Variants in PDE1C observed in about 807,000 individuals in gnomAD.
The protein encoded by PDE1C is dual specificity calcium/calmodulin-dependent 3',5'-cyclic nucleotide phosphodiesterase 1C.
A neutral mutation model predicts 93.1 loss-of-function variants in PDE1C; 62 were observed. That is an observed-to-expected ratio of 0.67 (90% CI 0.54 to 0.82). The LOEUF (loss-of-function observed/expected upper bound fraction) is 0.82. Among genes scored for constraint, PDE1C ranks in the 40% least tolerant of loss-of-function variants. The probability of loss-of-function intolerance (pLI) is 0.00; values close to 1 mark genes in which losing one functional copy is unlikely to be tolerated. For missense variants in PDE1C, 742 were observed against 884.6 expected (o/e 0.84, Z 2.04); for synonymous variants, 325 against 310.1 (o/e 1.05, Z -0.50).
chr7:32,279,720 G>A (rs2128891524), intron 1 of PDE1C, among the ~76,000 whole-genome samples: 1 of 151,994 alleles, frequency 6.6e-6, no homozygotes, highest in Middle Eastern at 3.4e-3. Context: ...CCAGAAATAA[G>A]AGCAAATATA....
At chr7:31,972,752 A>G (rs1811128283) in intron 2 of PDE1C, among the ~76,000 whole-genome samples, 1 of 152,152 alleles carries the variant, frequency 6.6e-6, no homozygotes, top group Non-Finnish European at 1.5e-5. Context: ...CTAACCACCC[A>G]TCCGGAGGCA....
At chr7:32,413,208 T>G (rs911395223) in intron 1 of PDE1C, among the ~76,000 whole-genome samples, 1 of 152,130 alleles carries the variant, frequency 6.6e-6, no homozygotes, top group Non-Finnish European at 1.5e-5. Flanking sequence ...AACTTAATTT[T>G]AAATGTACAA....
At chr7:31,657,118 CAT>C in the PDE1C span, among the ~76,000 whole-genome samples, 37 of 4,284 alleles carry the variant, frequency 8.6e-3, no homozygotes, top group African/African-American at 0.026. Context: ...TATATAAAAT[CAT>C]ATATATCAAA....
intron 1 of PDE1C, among the ~76,000 whole-genome samples, chr7:32,395,814 C>A (rs371612389): frequency 4.6e-5 from 7 of 152,242 alleles, no homozygotes; most frequent in Middle Eastern, 3.4e-3. Context: ...AAAAAGCATT[C>A]TCAGGAAAAC....
chr7:32,386,979 A>T (rs1027284964), intron 1 of PDE1C, among the ~76,000 whole-genome samples: 1 of 151,120 alleles, frequency 6.6e-6, no homozygotes, highest in African/African-American at 2.4e-5. Flanking sequence ...CAGATAAACA[A>T]GTGAACAAAG....
In PDE1C at chr7:32,386,790, T is replaced by G. The variant is rs560362957; in HGVS notation, c.310+41032A>C. Among the ~76,000 whole-genome samples, 265 of 152,028 alleles carry G rather than the reference T, an allele frequency of 1.7e-3. 4 individuals are homozygous for G. The highest frequency in any genetic ancestry group is 2.4e-3 in the Non-Finnish European group (165 of 67,980). ...CAAGCCCAACCAGGCACACACAGGC[T>G]TTGGAAGAACATTGTGCCAAATAGC... On this transcript the variant is annotated intron_variant, in intron 1 of 1. Coordinates refer to the PDE1C transcript ENST00000672256.
chr7:32,400,788 C>T lies in PDE1C; in HGVS notation c.310+27034G>A, dbSNP rs962696120. Among the ~76,000 whole-genome samples, 6 of 152,164 alleles carry T rather than the reference C, an allele frequency of 3.9e-5. No homozygotes were observed. The South Asian group carries it at 6.2e-4, about 16-fold the overall frequency. On this transcript the variant is annotated intron_variant, in intron 1 of 1. Coordinates refer to the PDE1C transcript ENST00000672256. ...GCAAAACAGTGACACTGTGACACAC[C>T]GTTAGATGGTATTTGTATCTGCAGG...
At chr7:32,170,289 A>C (rs774004963) in intron 2 of PDE1C, among the ~76,000 whole-genome samples, 11 of 152,078 alleles carry the variant, frequency 7.2e-5, no homozygotes, top group Non-Finnish European at 1.6e-4. Flanking sequence ...CATTTTAGGG[A>C]ACTGTGAGGA....
At chr7:32,139,283 G>C (rs1011842151) in intron 3 of PDE1C, among the ~76,000 whole-genome samples, 1 of 145,960 alleles carries the variant, frequency 6.9e-6, no homozygotes, top group African/African-American at 2.5e-5. Flanking sequence ...CTACAAGCAG[G>C]CAACACCAAA....
the PDE1C span, chr7:31,695,455 C>T: frequency 1.9e-6 from 3 of 1,588,452 alleles, no homozygotes; most frequent in African/African-American, 2.7e-5. Context: ...TTCTTTGTAT[C>T]CTGTCAAAAT....
At chr7:32,322,617 T>C (rs1783318819) in intron 1 of PDE1C, among the ~76,000 whole-genome samples, 1 of 67,512 alleles carries the variant, frequency 1.5e-5, no homozygotes, top group South Asian at 1.5e-3. Context: ...TTTTTTCTTT[T>C]TTCTTTTTTT....
intron 1 of PDE1C, among the ~76,000 whole-genome samples, chr7:32,382,146 G>T (rs1784549559): frequency 6.6e-6 from 1 of 152,138 alleles, no homozygotes. Context: ...GCATGGCCCA[G>T]CACCTGCTCT....
chr7:32,040,527 C>A lies in PDE1C; in HGVS notation c.128+11027G>T, dbSNP rs774037146. Among the ~76,000 whole-genome samples, 14 of 152,130 alleles carry A rather than the reference C, an allele frequency of 9.2e-5. 1 individual carries two copies. Among genetic ancestry groups the A allele is most frequent in the Non-Finnish European group, 1.9e-4 (13 of 68,016 alleles). On this transcript the variant is annotated intron_variant, in intron 2 of 17. Transcript: ENST00000396191. ...CAGCCAAATCACCCCCAGTCGAGAA[C>A]CACTGGCTTAGAGAAATAAAGTAAC...
intron 14 of PDE1C, among the ~76,000 whole-genome samples, 185 bp downstream of exon 14, chr7:31,822,888 G>T (rs1789151240): frequency 6.6e-6 from 1 of 152,154 alleles, no homozygotes; most frequent in African/African-American, 2.4e-5. Context: ...GAGGCTTGCA[G>T]GTCTGCTGCA....
At chr7:32,093,205 T>C (rs1033553813) in intron 3 of PDE1C, among the ~76,000 whole-genome samples, 1 of 152,242 alleles carries the variant, frequency 6.6e-6, no homozygotes, top group Non-Finnish European at 1.5e-5. Flanking sequence ...GAGCAAGCTC[T>C]TTCCCACCTA....
chr7:32,297,006 G>T lies in PDE1C; in HGVS notation c.85+1645C>A, dbSNP rs144486957. Among the ~76,000 whole-genome samples the T allele has an allele frequency of 8.8e-4, 134 of 152,278 alleles. 4 individuals carry two copies. The East Asian group carries it at 0.02, about 23-fold the overall frequency. On this transcript the variant is annotated intron_variant, in intron 1 of 18. Coordinates refer to the PDE1C transcript ENST00000396193. ...TCAGGGACTGGAGGGATTGCCAAGGGAGAAATTCTTTCTGATGGGGATGGA... is the reference window on the plus strand; with the variant it reads ...TCAGGGACTGGAGGGATTGCCAAGGTAGAAATTCTTTCTGATGGGGATGGA...
chr7:31,999,795 C>A (rs1299916177), intron 2 of PDE1C, among the ~76,000 whole-genome samples: 1 of 152,168 alleles, frequency 6.6e-6, no homozygotes, highest in Non-Finnish European at 1.5e-5. Flanking sequence ...GGAACCCTCA[C>A]ACACAGAGCA....
At chr7:31,683,425 AT>A in the PDE1C span, among the ~76,000 whole-genome samples, 1 of 151,724 alleles carries the variant, frequency 6.6e-6, no homozygotes. Context: ...AATATTTTCT[AT>A]TTTTTTTCAG....
chr7:31,803,299 A>G (rs948696438), intron 16 of PDE1C, among the ~76,000 whole-genome samples: 1 of 151,822 alleles, frequency 6.6e-6, no homozygotes, highest in Non-Finnish European at 1.5e-5. Context: ...ACTTCTGAAC[A>G]TATGGGCTAC....
Sources: gnomAD v4.1 joint callset for allele counts (sites outside exome capture counted in the v4.1 genomes callset) on GRCh38, gnomAD v4.1.1 for gene constraint, MANE v1.5 for transcripts, NCBI Gene and HGNC (gene_info 2026-07-23, HGNC 2026-07-21) for gene names.